The following DPP10 variants were observed in gnomAD, a reference collection of about 807,000 sequenced individuals.
The protein encoded by DPP10 is inactive dipeptidyl peptidase 10.
Under a neutral mutation model 120.9 loss-of-function variants are expected in DPP10, and 33 were observed. The observed-to-expected ratio is 0.27, with a 90% confidence interval of 0.21 to 0.37. The LOEUF (loss-of-function observed/expected upper bound fraction) is 0.37, where lower values mean the gene tolerates loss of function less well. DPP10 is among the 10% of genes least tolerant of loss of function. The pLI is 1.00. For synonymous variants in DPP10, 337 were observed against 326.1 expected, an observed-to-expected ratio of 1.03 and a Z score of -0.36; for missense variants, 816 against 942.8, an observed-to-expected ratio of 0.87 and a Z score of 1.76.
At chr2:115,019,819 A>T (rs1208757144) in intron 1 of DPP10, among the ~76,000 whole-genome samples, 1 of 152,266 alleles carries the variant, frequency 6.6e-6, no homozygotes, top group Non-Finnish European at 1.5e-5. Context: ...CAGATTTCTC[A>T]GCAGAAACTC....
rs552941525 is a variant in DPP10 at position 115,239,587 on chromosome 2, A to G, written c.61-69652A>G. On this transcript the variant is annotated intron_variant, in intron 1 of 25. Coordinates refer to ENST00000410059, the MANE Select transcript of DPP10 (RefSeq NM_020868.6). Reference sequence around the variant, plus strand: ...TAATGCTGTTGCACACTAGTAGACCACAGTATAATATAAACATAACTTTTT... The same window carrying G: ...TAATGCTGTTGCACACTAGTAGACCGCAGTATAATATAAACATAACTTTTT... Among the ~76,000 whole-genome samples, 6 of 152,302 alleles carry G rather than the reference A, an allele frequency of 3.9e-5. No individual in the cohort carries two copies. In the South Asian group the frequency reaches 1.2e-3, roughly 32 times the overall value.
At chr2:115,680,716 A>T (rs571648495) in intron 5 of DPP10, among the ~76,000 whole-genome samples, 2 of 151,972 alleles carry the variant, frequency 1.3e-5, no homozygotes, top group African/African-American at 4.8e-5. Flanking sequence ...TTTAGAGTAA[A>T]CATATAAAGT....
chr2:115,746,510 T>G (rs1051292489), intron 10 of DPP10, among the ~76,000 whole-genome samples: 2 of 152,212 alleles, frequency 1.3e-5, no homozygotes, highest in African/African-American at 4.8e-5. Flanking sequence ...CTCCACATTT[T>G]TTTTGAAGGT....
chr2:115,308,702 T>G (rs980217678), intron 1 of DPP10, among the ~76,000 whole-genome samples: 5 of 151,522 alleles, frequency 3.3e-5, no homozygotes, highest in East Asian at 2.0e-4. Flanking sequence ...TGTTTTTTTT[T>G]TTTTTTTTTT....
chr2:115,431,164 G>C (rs2070941553), intron 3 of DPP10, among the ~76,000 whole-genome samples: 2 of 152,202 alleles, frequency 1.3e-5, no homozygotes, highest in South Asian at 4.1e-4. Flanking sequence ...CAGGAATTCT[G>C]TGATAAATAT....
At chr2:114,640,996 A>G (rs1573861631) in intron 1 of DPP10, among the ~76,000 whole-genome samples, 1 of 151,938 alleles carries the variant, frequency 6.6e-6, no homozygotes, top group Non-Finnish European at 1.5e-5. Context: ...CTCTGGTTTT[A>G]GTTTCCTATC....
rs1349998634 is a variant in DPP10 at position 115,197,965 on chromosome 2, T to A, written c.61-111274T>A. Reference sequence around the variant, plus strand: ...TCTCTGGACGTGATAAATGCTATTATATCACTGTGATTTGTAATAGCAGTG... The same window carrying A: ...TCTCTGGACGTGATAAATGCTATTAAATCACTGTGATTTGTAATAGCAGTG... On this transcript the variant is annotated intron_variant, in intron 1 of 25. Transcript: ENST00000410059. Among the ~76,000 whole-genome samples the A allele has an allele frequency of 3.3e-5, 5 of 152,344 alleles. No homozygotes were observed. The East Asian group carries it at 9.6e-4, about 29-fold the overall frequency.
chr2:115,777,163 G>T, intron 13 of DPP10, 45 bp from the exon 14 acceptor site: 1 of 1,551,966 alleles, frequency 6.4e-7, no homozygotes, highest in Non-Finnish European at 8.9e-7. Flanking sequence ...CCAGAGAGAT[G>T]CTGTTTAAAT....
chr2:114,648,889 G>T (rs1452731081), intron 1 of DPP10, among the ~76,000 whole-genome samples: 1 of 152,240 alleles, frequency 6.6e-6, no homozygotes, highest in Non-Finnish European at 1.5e-5. Flanking sequence ...TTATCACAGA[G>T]GAAAATGTGG....
intron 1 of DPP10, among the ~76,000 whole-genome samples, chr2:115,163,372 A>G (rs867811572): frequency 2.6e-5 from 4 of 152,278 alleles, no homozygotes; most frequent in African/African-American, 9.6e-5. Context: ...TGTGTTTCAC[A>G]CAGGTGGTGG....
intron 13 of DPP10, 31 bp from the exon 14 acceptor site, chr2:115,777,177 A>C: frequency 6.3e-7 from 1 of 1,599,266 alleles, no homozygotes; most frequent in Non-Finnish European, 8.6e-7. Flanking sequence ...TTTAAATGAA[A>C]GGAAAATCAA....
At chr2:115,772,080 G>A (rs1681546420) in intron 13 of DPP10, among the ~76,000 whole-genome samples, 2 of 151,870 alleles carry the variant, frequency 1.3e-5, no homozygotes, top group South Asian at 4.1e-4. Flanking sequence ...AAGAATGCAT[G>A]TGTTTTCCTC....
At chr2:114,905,307 TC>T (rs1693876597) in intron 1 of DPP10, among the ~76,000 whole-genome samples, 1 of 152,130 alleles carries the variant, frequency 6.6e-6, no homozygotes, top group African/African-American at 2.4e-5. Flanking sequence ...AATATCTTGA[TC>T]TGTTAGTATA....
At chr2:114,970,751 TG>T (rs1488509010) in intron 1 of DPP10, among the ~76,000 whole-genome samples, 1 of 152,224 alleles carries the variant, frequency 6.6e-6, no homozygotes, top group African/African-American at 2.4e-5. Flanking sequence ...TTGTACAATT[TG>T]TTTTTTTGTC....
chr2:115,383,421 A>G (rs969009939), intron 3 of DPP10, among the ~76,000 whole-genome samples: 1 of 152,224 alleles, frequency 6.6e-6, no homozygotes, highest in African/African-American at 2.4e-5. Flanking sequence ...CTGTGCATGC[A>G]TTAAACCTCT....
At chr2:115,167,619 A>C (rs1397008525) in intron 1 of DPP10, among the ~76,000 whole-genome samples, 1 of 151,814 alleles carries the variant, frequency 6.6e-6, no homozygotes, top group East Asian at 1.9e-4. Flanking sequence ...AAAAAAAAAA[A>C]AAAAAGCCTC....
chr2:114,489,740 T>G (rs1343853469), intron 1 of DPP10, among the ~76,000 whole-genome samples: 2 of 152,166 alleles, frequency 1.3e-5, no homozygotes, highest in African/African-American at 4.8e-5. Context: ...TACCTCAGAT[T>G]ATACATAACA....
chr2:115,418,414 TGAGA>T (rs746513133), intron 3 of DPP10, among the ~76,000 whole-genome samples: 4 of 151,566 alleles, frequency 2.6e-5, no homozygotes, highest in South Asian at 2.1e-4. Flanking sequence ...AGTGAGAGAC[TGAGA>T]GAGAGAGAGA....
chr2:115,507,028 G>GCA (rs1244684709), intron 4 of DPP10, among the ~76,000 whole-genome samples: 3 of 119,032 alleles, frequency 2.5e-5, no homozygotes, highest in African/African-American at 7.4e-5. Context: ...ACACACACAC[G>GCA]CACGCGCACA....
Sources: allele counts gnomAD v4.1 joint callset (sites outside exome capture counted in the v4.1 genomes callset), GRCh38; gene constraint gnomAD v4.1.1; transcripts MANE v1.5; gene names NCBI Gene and HGNC (gene_info 2026-07-23, HGNC 2026-07-21).